Variants in NXPE4 observed in about 807,000 individuals in gnomAD.
NXPE4 encodes the protein neurexophilin and PC-esterase domain family member 4, also known as NXPE family member 4.
Under a neutral mutation model 33.3 loss-of-function variants are expected in NXPE4, and 42 were observed. The ratio of observed to expected loss-of-function variants is 1.26; its 90% CI spans 0.98 to 1.63. NXPE4 has a LOEUF of 1.63. Ranked by LOEUF, NXPE4 falls within the 40% of genes most tolerant of loss-of-function variation. The pLI is 0.00. For missense variants in NXPE4, 709 were observed against 647.6 expected (o/e 1.09, Z -1.03); for synonymous variants, 253 against 234.9 (o/e 1.08, Z -0.71).
At chr11:114,674,716 G>C in the NXPE4 span, among the ~76,000 whole-genome samples, 2 of 151,612 alleles carry the variant, frequency 1.3e-5, no homozygotes, top group Non-Finnish European at 3.0e-5. Flanking sequence ...ATGAATTCTA[G>C]TAAACATTAA....
chr11:114,572,118 T>C (rs1336358247), intron 5 of NXPE4, among the ~76,000 whole-genome samples: 1 of 152,062 alleles, frequency 6.6e-6, no homozygotes, highest in African/African-American at 2.4e-5. Context: ...CAGAGCCCAG[T>C]AGCTCCACTG....
the NXPE4 span, among the ~76,000 whole-genome samples, chr11:114,637,991 C>T: frequency 6.6e-6 from 1 of 151,412 alleles, no homozygotes; most frequent in African/African-American, 2.4e-5. Flanking sequence ...TCTGTATTTC[C>T]TGAATCTGAA....
the NXPE4 span, among the ~76,000 whole-genome samples, chr11:114,604,146 G>A: frequency 6.6e-6 from 1 of 152,012 alleles, no homozygotes; most frequent in African/African-American, 2.4e-5. Flanking sequence ...ACTGATACCT[G>A]CTGGAAAATA....
the NXPE4 span, among the ~76,000 whole-genome samples, chr11:114,667,279 CAG>C: frequency 1.8e-4 from 28 of 152,168 alleles, 1 homozygote; most frequent in South Asian, 5.6e-3. Context: ...GAAAGAGTAA[CAG>C]AGTGAATTTT....
In NXPE4 at chr11:114,577,161, CATATATA is replaced by C. The variant is rs1341906496; in HGVS notation, c.1099+2964_1099+2970del. The stretch of plus-strand genomic sequence containing the variant: ...TATAATGTCATAAATATATATGTGT[CATATATA>C]TATATATATATAAAATGTTATACAC... On this transcript the variant is annotated intron_variant, in intron 5 of 5. Transcript: ENST00000375478. Among the ~76,000 whole-genome samples the C allele has an allele frequency of 4.5e-5, 6 of 134,574 alleles. No individual in the cohort carries two copies. In the Admixed American group the frequency reaches 4.6e-4, roughly 10 times the overall value. 88.3% of individuals were successfully genotyped at this position (134,574 alleles called of 152,430 possible).
the NXPE4 span, among the ~76,000 whole-genome samples, chr11:114,668,481 C>G: frequency 1.3e-5 from 2 of 151,954 alleles, no homozygotes; most frequent in Non-Finnish European, 2.9e-5. Flanking sequence ...GTGACAAGCA[C>G]TATTTATAAC....
At chr11:114,650,482 G>A in the NXPE4 span, among the ~76,000 whole-genome samples, 1 of 152,174 alleles carries the variant, frequency 6.6e-6, no homozygotes, top group African/African-American at 2.4e-5. Flanking sequence ...ATTGGCAGCA[G>A]CTAGGGGATG....
At chr11:114,604,004 G>C in the NXPE4 span, among the ~76,000 whole-genome samples, 1 of 151,698 alleles carries the variant, frequency 6.6e-6, no homozygotes, top group African/African-American at 2.4e-5. Context: ...TCGTCTCCTA[G>C]GTAACTACCA....
rs1350965972 is a variant in NXPE4 at position 114,571,455 on chromosome 11, A to T, written c.1118T>A (p.Leu373Gln). 1 of 1,607,824 alleles carries T rather than the reference A, an allele frequency of 6.2e-7. No homozygotes were observed. ...ASINTLKSVD[L>Q]HESGKLQHQL... ...GTGTTGCAATTTTCCAGATTCATGCAGATCCACTGACTTCAGTGCTGATAA... is the reference window on the plus strand; with the variant it reads ...GTGTTGCAATTTTCCAGATTCATGCTGATCCACTGACTTCAGTGCTGATAA... Residue 373 changes from leucine to glutamine, a missense_variant, in exon 6 of 6, where the codon CTG (leucine) becomes CAG (glutamine). Coordinates refer to ENST00000375478, the MANE Select transcript of NXPE4 (RefSeq NM_001077639.2).
intron 5 of NXPE4, among the ~76,000 whole-genome samples, chr11:114,575,847 C>A (rs1238134937): frequency 2.0e-5 from 3 of 152,040 alleles, no homozygotes; most frequent in Non-Finnish European, 4.4e-5. Context: ...CTAGAAAAAA[C>A]AATTCTAAAA....
At chr11:114,648,369 A>G in the NXPE4 span, among the ~76,000 whole-genome samples, 1 of 152,302 alleles carries the variant, frequency 6.6e-6, no homozygotes, top group African/African-American at 2.4e-5. Flanking sequence ...AAAAACCCAT[A>G]TCTCAGTGTG....
chr11:114,664,778 C>T, the NXPE4 span, among the ~76,000 whole-genome samples: 1 of 152,130 alleles, frequency 6.6e-6, no homozygotes, highest in African/African-American at 2.4e-5. Flanking sequence ...CTGTAGGATA[C>T]TCTCTTGGGA....
the NXPE4 span, among the ~76,000 whole-genome samples, chr11:114,670,269 G>C: frequency 4.8e-3 from 729 of 152,160 alleles, 5 homozygotes; most frequent in African/African-American, 0.016. Flanking sequence ...TGGTCAAAGA[G>C]AGCCTTGATA....
chr11:114,662,405 G>A, the NXPE4 span, among the ~76,000 whole-genome samples: 1 of 152,184 alleles, frequency 6.6e-6, no homozygotes, highest in South Asian at 2.1e-4. Context: ...GTTCCCACAA[G>A]CCTCACTGCT....
the NXPE4 span, among the ~76,000 whole-genome samples, chr11:114,611,525 A>C: frequency 6.6e-6 from 1 of 151,910 alleles, no homozygotes; most frequent in Admixed American, 6.6e-5. Flanking sequence ...AACCACTGTT[A>C]CCCGGTTTAT....
At chr11:114,632,920 T>A in the NXPE4 span, among the ~76,000 whole-genome samples, 833 of 94,886 alleles carry the variant, frequency 8.8e-3, 15 homozygotes, top group African/African-American at 0.034. Flanking sequence ...TTATATTTTA[T>A]ATAATTATAT....
At chr11:114,673,200 A>C in the NXPE4 span, among the ~76,000 whole-genome samples, 2 of 151,292 alleles carry the variant, frequency 1.3e-5, no homozygotes, top group East Asian at 3.9e-4. Flanking sequence ...CAAATATATA[A>C]AATTAAACAA....
the NXPE4 span, among the ~76,000 whole-genome samples, chr11:114,648,597 T>C: frequency 2.0e-5 from 3 of 152,316 alleles, no homozygotes; most frequent in South Asian, 2.1e-4. Context: ...CCCAGTCAAG[T>C]TGATACATAA....
the NXPE4 span, among the ~76,000 whole-genome samples, chr11:114,638,569 C>G: frequency 6.6e-6 from 1 of 151,882 alleles, no homozygotes; most frequent in African/African-American, 2.4e-5. Context: ...CGTTTTTCTG[C>G]TCTGTTTTTT....
Sources: gnomAD v4.1 joint callset for allele counts (sites outside exome capture counted in the v4.1 genomes callset) on GRCh38, gnomAD v4.1.1 for gene constraint, MANE v1.5 for transcripts, NCBI Gene and HGNC (gene_info 2026-07-23, HGNC 2026-07-21) for gene names.